PAXBP1: variants seen among roughly 807,000 people sequenced by gnomAD.
The protein encoded by PAXBP1 is PAX3- and PAX7-binding protein 1.
In PAXBP1, 44 loss-of-function variants were observed where a neutral mutation model predicts 119.9. The ratio of observed to expected loss-of-function variants is 0.37; its 90% CI spans 0.29 to 0.47. The LOEUF is 0.47. PAXBP1 is among the 20% of genes least tolerant of loss of function. PAXBP1 has a pLI of 0.99. For missense variants in PAXBP1, 898 were observed against 1,134.1 expected, an observed-to-expected ratio of 0.79 and a Z score of 2.99; for synonymous variants, 393 against 406.6, an observed-to-expected ratio of 0.97 and a Z score of 0.40.
chr21:32,760,902 C>T (rs8133271), intron 5 of PAXBP1, among the ~76,000 whole-genome samples, 157 bp downstream of exon 5: 71,485 of 127,452 alleles, frequency 0.56, 17,427 homozygotes, highest in Middle Eastern at 0.67. Flanking sequence ...TGCGTGCGTG[C>T]GTGTGTGTGT....
At chr21:32,765,478 C>T (rs1161808141) in intron 2 of PAXBP1, among the ~76,000 whole-genome samples, 1 of 152,294 alleles carries the variant, frequency 6.6e-6, no homozygotes, top group African/African-American at 2.4e-5. Flanking sequence ...ATGCTCACAA[C>T]AGGCACAAGG....
chr21:32,737,778 A>T (rs572871882), intron 16 of PAXBP1, among the ~76,000 whole-genome samples: 6 of 152,290 alleles, frequency 3.9e-5, no homozygotes, highest in African/African-American at 9.6e-5. Flanking sequence ...ATAAAAATGA[A>T]ATTACAGCAC....
intron 8 of PAXBP1, 31 bp from the exon 9 acceptor site, chr21:32,751,249 C>T (rs1318722544): frequency 1.2e-6 from 2 of 1,600,450 alleles, no homozygotes; most frequent in Non-Finnish European, 1.7e-6. Flanking sequence ...AAATTAAAAG[C>T]CATCTTTCAA....
intron 2 of PAXBP1, among the ~76,000 whole-genome samples, chr21:32,766,517 T>G (rs982756482): frequency 1.3e-5 from 2 of 152,194 alleles, no homozygotes; most frequent in Non-Finnish European, 2.9e-5. Flanking sequence ...AGGGACAGGC[T>G]TCTCTTCATC....
intron 15 of PAXBP1, 80 bp downstream of exon 15, chr21:32,743,168 A>G (rs1268188317): frequency 9.2e-7 from 1 of 1,091,384 alleles, no homozygotes; most frequent in Non-Finnish European, 1.4e-6. Context: ...TGGAGTTAAT[A>G]AAAAACAAAA....
chr21:32,745,511 A>G (rs764386067), intron 12 of PAXBP1, 63 bp downstream of exon 12: 30 of 1,584,744 alleles, frequency 1.9e-5, no homozygotes, highest in Non-Finnish European at 2.3e-5. Context: ...TTATAAACTC[A>G]TAAAAATAGA....
rs749014622 is a variant in PAXBP1 at position 32,759,814 on chromosome 21, C to T, written c.1156G>A (p.Val386Ile). 18 of 1,613,784 alleles carry T rather than the reference C, an allele frequency of 1.1e-5. No homozygotes were observed. Among genetic ancestry groups the T allele is most frequent in the East Asian group, 8.9e-5 (4 of 44,886 alleles). ...FKTPSNEMTPVTIDLVKKQLK... is the reference protein window; with the variant it reads ...FKTPSNEMTPITIDLVKKQLK... ...TGTTTCTTTACCAAATCAATAGTAACGGGAGTCATCTCATTACTGGGAGTT... is the reference window on the plus strand; with the variant it reads ...TGTTTCTTTACCAAATCAATAGTAATGGGAGTCATCTCATTACTGGGAGTT... The change falls in exon 6 of 18, where the codon GTT becomes ATT. Residue 386 changes from valine to isoleucine, a missense_variant. Around this residue, in one of 2 missense-constraint regions of PAXBP1, gnomAD observed 599 missense variants for 852.7 expected, o/e 0.70. Coordinates refer to ENST00000331923, the MANE Select transcript of PAXBP1 (RefSeq NM_016631.4).
At chr21:32,756,674 TA>T in intron 7 of PAXBP1, 1 of 250,002 alleles carries the variant, frequency 4.0e-6, no homozygotes, top group South Asian at 4.2e-5. Context: ...TTTTTTTTTT[TA>T]AACCATGAAG....
At position 32,759,974 on chromosome 21, in the gene PAXBP1, T is replaced by G. The variant is rs745841726; in HGVS notation, c.996A>C (p.Ala332=). Residue 332 remains alanine, a synonymous_variant, in exon 6 of 18, where the codon GCA becomes GCC. Transcript: ENST00000331923. ...TGTTCTGGTAGTACATATTCACTTC[T>G]GCGGGTTGACTGGCTTGAACCTAGA... The part of the protein sequence containing the change: ...NIPQVQASQP[A]EVNMYYQNTY... The G allele has an allele frequency of 2.5e-6, 4 of 1,613,876 alleles. No individual in the cohort carries two copies. The Admixed American group carries it at 6.7e-5, about 27-fold the overall frequency.
In PAXBP1 at chr21:32,771,710, G is replaced by C; in HGVS notation, c.-42C>G. ...GCGGTCGAATACTCGCTTCCACACC[G>C]CGGCCCCGGCAGCGCCGAGCTCGTG... On this transcript the variant is annotated 5_prime_UTR_variant, in exon 1 of 18. Transcript: ENST00000331923. 7.5e-7 allele frequency: 1 copy of C among 1,339,486 alleles called. No individual in the cohort carries two copies. Among genetic ancestry groups the C allele is most frequent in the Non-Finnish European group, 9.6e-7 (1 of 1,044,242 alleles). 83.0% of individuals were successfully genotyped at this position (1,339,486 alleles called of 1,614,324 possible).
intron 16 of PAXBP1, among the ~76,000 whole-genome samples, chr21:32,737,813 G>A (rs897278186): frequency 5.3e-5 from 8 of 152,046 alleles, no homozygotes; most frequent in South Asian, 2.1e-4. Context: ...ATAATTCCAC[G>A]AATAGACATC....
chr21:32,764,459 T>C lies in PAXBP1; in HGVS notation c.538A>G (p.Ser180Gly), dbSNP rs760536550. 20 of 1,613,854 alleles carry C rather than the reference T, an allele frequency of 1.2e-5. No individual in the cohort carries two copies. The highest frequency in any genetic ancestry group is 1.6e-5 in the Non-Finnish European group (19 of 1,179,840). Residue 180 changes from serine (S) to glycine (G), a missense_variant, in exon 3 of 18, where the codon AGT becomes GGT. By Grantham distance (56) the Ser-to-Gly change is moderately conservative. Coordinates refer to ENST00000331923, the MANE Select transcript of PAXBP1 (RefSeq NM_016631.4). ...TCCATTTCATCTTCACCATGTTCAC[T>C]GATGATAACTCCATCTTCTTGATTT... ...DTNQEDGVII[S>G]EHGEDEMDME...
chr21:32,760,592 C>T (rs1004398202), intron 5 of PAXBP1, among the ~76,000 whole-genome samples: 6 of 152,090 alleles, frequency 3.9e-5, no homozygotes, highest in Middle Eastern at 3.2e-3. Flanking sequence ...ATAAGCTACA[C>T]GCACAAAAAC....
At chr21:32,765,535 T>C (rs2044226704) in intron 2 of PAXBP1, among the ~76,000 whole-genome samples, 2 of 152,156 alleles carry the variant, frequency 1.3e-5, no homozygotes, top group Admixed American at 1.3e-4. Flanking sequence ...ATATGAAAGA[T>C]ATTTTTCTGT....
At chr21:32,754,924 T>C (rs962468445) in intron 8 of PAXBP1, among the ~76,000 whole-genome samples, 1 of 152,146 alleles carries the variant, frequency 6.6e-6, no homozygotes, top group Non-Finnish European at 1.5e-5. Flanking sequence ...AAACAGATAA[T>C]GGTTTTAACA....
chr21:32,743,389 A>T, intron 14 of PAXBP1, 75 bp from the exon 15 acceptor site: 1 of 998,574 alleles, frequency 1.0e-6, no homozygotes, highest in Non-Finnish European at 1.5e-6. Flanking sequence ...TGGACAAAAG[A>T]TTTTTCTACA....
At chr21:32,767,466 A>G (rs934512040) in intron 2 of PAXBP1, among the ~76,000 whole-genome samples, 4 of 152,202 alleles carry the variant, frequency 2.6e-5, no homozygotes, top group African/African-American at 9.7e-5. Context: ...TTCAATTTCT[A>G]AACCCAACAA....
chr21:32,761,248 G>C, intron 4 of PAXBP1, 86 bp from the exon 5 acceptor site: 2 of 960,948 alleles, frequency 2.1e-6, no homozygotes, highest in South Asian at 2.7e-5. Context: ...CACAAGAACT[G>C]AGCAAAACTA....
chr21:32,755,503 G>T, intron 7 of PAXBP1, 150 bp from the exon 8 acceptor site: 1 of 967,408 alleles, frequency 1.0e-6, no homozygotes, highest in Non-Finnish European at 1.5e-6. Context: ...AGCAAATTCT[G>T]TTTTATGTTT....
Sources: gnomAD v4.1 joint callset for allele counts (sites outside exome capture counted in the v4.1 genomes callset) on GRCh38, gnomAD v4.1.1 for gene constraint, gnomAD v4.1.1 regional missense constraint, MANE v1.5 for transcripts, NCBI Gene and HGNC (gene_info 2026-07-23, HGNC 2026-07-21) for gene names.